The following GSTM2 variants were observed in gnomAD, a reference collection of about 807,000 sequenced individuals.
GSTM2 encodes the protein GST class-mu 2.
Under a neutral mutation model 33.3 loss-of-function variants are expected in GSTM2, and 33 were observed. The ratio of observed to expected loss-of-function variants is 0.99; its 90% confidence interval spans 0.75 to 1.33. GSTM2 has a LOEUF of 1.33. Among genes scored for constraint, GSTM2 ranks in the 40% most tolerant of loss-of-function variants. GSTM2 has a pLI of 0.00. For synonymous variants in GSTM2, 93 were observed against 95.6 expected, an observed-to-expected ratio of 0.97 and a Z score of 0.16; for missense variants, 213 against 265.8, an observed-to-expected ratio of 0.80 and a Z score of 1.38.
At chr1:109,668,711 T>G in intron 2 of GSTM2, 1 of 794,460 alleles carries the variant, frequency 1.3e-6, no homozygotes, top group Non-Finnish European at 2.1e-6. Flanking sequence ...TGGGTGTCCC[T>G]CAGGGCTTGC....
At chr1:109,675,622 C>G (rs1305238462), downstream of GSTM2, among the ~76,000 whole-genome samples, 1 of 152,170 alleles carries the variant, frequency 6.6e-6, no homozygotes, top group Admixed American at 6.5e-5. Context: ...CAGAGAGAAC[C>G]AGGGTCCCTT....
chr1:109,668,450 T>C lies in GSTM2; in HGVS notation c.62T>C (p.Leu21Pro). Residue 21 changes from leucine to proline, a missense_variant, in exon 2 of 8, where the codon CTG becomes CCG. Physicochemically the swap from Leu to Pro is moderately conservative, Grantham distance 98 (BLOSUM62 -3). Transcript: ENST00000241337. ...RGLAHSIRLL[L>P]EYTDSSYEEK... ...CTGGCCCATTCCATCCGCCTGCTCC[T>C]GGAATACACAGACTCAAGCTACGAG... 6.2e-7 allele frequency: 1 copy of C among 1,614,166 alleles called. No homozygotes were observed. Among genetic ancestry groups the C allele is most frequent in the South Asian group, 1.1e-5 (1 of 91,082 alleles).
rs1647443008 is a variant in GSTM2, at chr1:109,669,325, C to T, written c.213C>T (p.Thr71=). ...TGATTGATGGGACTCACAAGATCAC[C>T]CAGAGCAACGCCATCCTGCGGTACA... is the stretch of plus-strand genomic sequence containing the variant. ...PYLIDGTHKI[T]QSNAILRYIA... Residue 71 remains threonine, a synonymous_variant, in exon 4 of 8, where the codon ACC becomes ACT. Transcript: ENST00000241337. 6 of 1,614,184 alleles carry T rather than the reference C, an allele frequency of 3.7e-6. No homozygotes were observed. Among genetic ancestry groups the T allele is most frequent in the South Asian group, 1.1e-5 (1 of 91,082 alleles).
chr1:109,668,300 G>A, intron 1 of GSTM2, 125 bp from the exon 2 acceptor site: 4 of 1,362,302 alleles, frequency 2.9e-6, no homozygotes, highest in Non-Finnish European at 4.2e-6. Flanking sequence ...GCGTGTGGCT[G>A]GGCGTGCGGG....
chr1:109,677,128 C>A (rs753481221), downstream of GSTM2, among the ~76,000 whole-genome samples: 3 of 152,192 alleles, frequency 2.0e-5, no homozygotes, highest in East Asian at 1.9e-4. Flanking sequence ...TTAAAAACCC[C>A]TAAGATCCTA....
At chr1:109,679,594 T>C (rs1026658024), downstream of GSTM2, among the ~76,000 whole-genome samples, 2 of 152,226 alleles carry the variant, frequency 1.3e-5, no homozygotes, top group Non-Finnish European at 2.9e-5. Context: ...GTGAATCTCC[T>C]GTATAAAACT....
downstream of GSTM2, among the ~76,000 whole-genome samples, chr1:109,676,354 T>C (rs140650654): frequency 1.8e-3 from 277 of 152,284 alleles, no homozygotes; most frequent in African/African-American, 6.4e-3. Flanking sequence ...AAAATTATTA[T>C]TATTGTTGTT....
At chr1:109,668,747 T>A (rs1174383151) in intron 2 of GSTM2, 178 bp from the exon 3 acceptor site, 1 of 842,364 alleles carries the variant, frequency 1.2e-6, no homozygotes, top group African/African-American at 1.7e-5. Flanking sequence ...CTTAGCTGTG[T>A]GGGGTCCAGA....
intron 2 of GSTM2, chr1:109,668,706 G>T: frequency 1.3e-6 from 1 of 786,720 alleles, no homozygotes; most frequent in Non-Finnish European, 2.1e-6. Flanking sequence ...TATGATGGGT[G>T]TCCCTCAGGG....
At chr1:109,668,864 C>G in intron 2 of GSTM2, 61 bp from the exon 3 acceptor site, 1 of 1,602,562 alleles carries the variant, frequency 6.2e-7, no homozygotes. Context: ...TTGGGAGGGT[C>G]CCCAGGAAGG....
chr1:109,678,683 T>C (rs980292808), downstream of GSTM2, among the ~76,000 whole-genome samples: 4 of 149,508 alleles, frequency 2.7e-5, no homozygotes, highest in African/African-American at 9.9e-5. Flanking sequence ...TTGCTTGAAC[T>C]CAGGAGGCAG....
chr1:109,670,104 A>AGGGGGGGGGTGGCCGCCTTTTC (rs1553233965), intron 5 of GSTM2: 1 of 148,178 alleles, frequency 6.7e-6, no homozygotes, highest in African/African-American at 2.5e-5. Flanking sequence ...TGGGGGGGGA[A>AGGGGGGGGGTGGCCGCCTTTTC]ATCCCTTATT....
chr1:109,668,098 T>G lies in GSTM2; in HGVS notation c.-18T>G, dbSNP rs762356163. 6 of 1,612,880 alleles carry G rather than the reference T, an allele frequency of 3.7e-6. No homozygotes were observed. In the South Asian group the frequency reaches 5.5e-5, roughly 15 times the overall value. On this transcript the variant is annotated 5_prime_UTR_variant, in exon 1 of 8. Coordinates refer to ENST00000241337, the MANE Select transcript of GSTM2 (RefSeq NM_000848.4). ...GCCCCGCTGAGGCCTGTCTGCAGAATCCACAGCAACCAGCACCATGCCCAT... is the reference window on the plus strand; with the variant it reads ...GCCCCGCTGAGGCCTGTCTGCAGAAGCCACAGCAACCAGCACCATGCCCAT...
At chr1:109,672,190 GA>G (rs1479599721) in intron 7 of GSTM2, among the ~76,000 whole-genome samples, 2 of 151,938 alleles carry the variant, frequency 1.3e-5, no homozygotes, top group Non-Finnish European at 1.5e-5. Flanking sequence ...TGAGGCAGGA[GA>G]ATCTCTTGAA....
At position 109,671,602 on chromosome 1, in the gene GSTM2, T is replaced by G. The variant is rs955200013; in HGVS notation, c.567+19T>G. On this transcript the variant is annotated intron_variant, in intron 7 of 7. Transcript: ENST00000241337. Reference sequence around the variant, plus strand: ...ATTTGAGGTGATGCCCCCAGCCTCCTTTCTCTTTATGTCTCTTATTCCTTT... The same window carrying G: ...ATTTGAGGTGATGCCCCCAGCCTCCGTTCTCTTTATGTCTCTTATTCCTTT... 1 of 1,220,898 alleles carries G rather than the reference T, an allele frequency of 8.2e-7. No homozygotes were observed. 75.6% of individuals were successfully genotyped at this position (1,220,898 alleles called of 1,614,324 possible). A position where few individuals can be genotyped will look rare whatever the true frequency, so the allele number is the denominator to read the frequency against.
intron 7 of GSTM2, among the ~76,000 whole-genome samples, chr1:109,673,845 C>T (rs560943172): frequency 1.3e-5 from 2 of 152,306 alleles, no homozygotes; most frequent in South Asian, 2.1e-4. Context: ...GTGATCCACT[C>T]GTCTCGGCCT....
At position 109,671,423 on chromosome 1, in the gene GSTM2, A is replaced by G. The variant is rs111961663; in HGVS notation, c.456+41A>G. ...GATGGGGACACCACAGATTTGTCAT[A>G]CTTCCTATATTATGGAGGTTTCAGC... On this transcript the variant is annotated intron_variant, in intron 6 of 7. Coordinates refer to ENST00000241337, the MANE Select transcript of GSTM2 (RefSeq NM_000848.4). 26 of 1,576,800 alleles carry G rather than the reference A, an allele frequency of 1.6e-5. No individual in the cohort carries two copies. The African/African-American group carries it at 3.2e-4, about 20-fold the overall frequency.
At chr1:109,671,054 G>A in intron 5 of GSTM2, 1 of 539,560 alleles carries the variant, frequency 1.9e-6, no homozygotes, top group South Asian at 2.3e-5. Flanking sequence ...CAGATTTAGG[G>A]ACAGTGTCAC....
At chr1:109,672,910 C>A (rs1162726159) in intron 7 of GSTM2, among the ~76,000 whole-genome samples, 1 of 150,758 alleles carries the variant, frequency 6.6e-6, no homozygotes, top group Non-Finnish European at 1.5e-5. Context: ...TGCTCTGTCA[C>A]CCAGGCCGGA....
Sources: allele counts gnomAD v4.1 joint callset (sites outside exome capture counted in the v4.1 genomes callset), GRCh38; gene constraint gnomAD v4.1.1; transcripts MANE v1.5; gene names NCBI Gene and HGNC (gene_info 2026-07-23, HGNC 2026-07-21).